Variants in IL1RAPL1 observed in about 807,000 individuals in gnomAD.
The protein encoded by IL1RAPL1 is interleukin-1 receptor accessory protein-like 1.
A neutral mutation model predicts 48.4 loss-of-function variants in IL1RAPL1; 3 were observed. That is an observed-to-expected ratio of 0.06 (90% CI 0.03 to 0.16). The LOEUF is 0.16. IL1RAPL1 is among the 10% of genes least tolerant of loss of function. IL1RAPL1 has a pLI of 1.00. For synonymous variants in IL1RAPL1, 185 were observed against 187.7 expected (o/e 0.99, Z 0.12); for missense variants, 349 against 530.6 (o/e 0.66, Z 3.36).
chrX:29,603,257 C>G (rs1261670188), intron 5 of IL1RAPL1, among the ~76,000 whole-genome samples: 1 of 83,690 alleles, frequency 1.2e-5, no homozygotes, highest in African/African-American at 4.8e-5. Flanking sequence ...CAAAGTGAGA[C>G]TCTATCTCAA....
intron 6 of IL1RAPL1, among the ~76,000 whole-genome samples, chrX:29,805,317 A>G (rs762030997): frequency 9.0e-6 from 1 of 111,116 alleles, no homozygotes; most frequent in South Asian, 3.8e-4. Context: ...ATTTTATCAG[A>G]TGGGGAATTC....
chrX:28,700,508 TCA>T (rs1372830675), intron 1 of IL1RAPL1, among the ~76,000 whole-genome samples: 2 of 109,910 alleles, frequency 1.8e-5, no homozygotes, highest in South Asian at 3.9e-4. Flanking sequence ...GGTTTTAACC[TCA>T]GTCTGTCTCT....
At chrX:29,645,361 A>G (rs1925288393) in intron 5 of IL1RAPL1, among the ~76,000 whole-genome samples, 1 of 111,740 alleles carries the variant, frequency 8.9e-6, no homozygotes, top group African/African-American at 3.3e-5. Flanking sequence ...AAGACGCATC[A>G]AAGAGGGCAA....
At chrX:29,522,564 C>T (rs1306577984) in intron 5 of IL1RAPL1, among the ~76,000 whole-genome samples, 2 of 111,867 alleles carry the variant, frequency 1.8e-5, no homozygotes, top group African/African-American at 6.5e-5. Flanking sequence ...CTCTCCGTAT[C>T]TGGAGACCCT....
At position 28,664,054 on chromosome X, in the gene IL1RAPL1, A is replaced by G. The variant is rs771857697; in HGVS notation, c.-25+76007A>G. 9.8e-5 allele frequency among the ~76,000 whole-genome samples: 11 copies of G among 112,195 alleles called. No individual in the cohort carries two copies. In the East Asian group the frequency reaches 3.1e-3, roughly 31 times the overall value. ...AGCCATAGACATACTTCCCTAGCAAATATCTTATTGCATATTAAATGCCTA... is the reference window on the plus strand; with the variant it reads ...AGCCATAGACATACTTCCCTAGCAAGTATCTTATTGCATATTAAATGCCTA... On this transcript the variant is annotated intron_variant, in intron 1 of 10. Transcript: ENST00000378993.
intron 2 of IL1RAPL1, among the ~76,000 whole-genome samples, chrX:29,121,135 T>G (rs1928775247): frequency 8.9e-6 from 1 of 111,956 alleles, no homozygotes; most frequent in South Asian, 3.7e-4. Flanking sequence ...AAGGTCATAG[T>G]TAATGGTGAG....
chrX:29,281,466 T>C (rs944176849), intron 2 of IL1RAPL1, among the ~76,000 whole-genome samples: 3 of 110,900 alleles, frequency 2.7e-5, no homozygotes, highest in African/African-American at 9.8e-5. Flanking sequence ...AGATGGTACC[T>C]GCAGAAAACA....
intron 1 of IL1RAPL1, among the ~76,000 whole-genome samples, chrX:28,676,218 A>G (rs1434626446): frequency 9.0e-6 from 1 of 111,380 alleles, no homozygotes; most frequent in Non-Finnish European, 1.9e-5. Context: ...AGCCACTGAG[A>G]TGATTTTAAA....
intron 2 of IL1RAPL1, among the ~76,000 whole-genome samples, chrX:29,083,871 G>A (rs73210033): frequency 0.065 from 7,239 of 111,178 alleles, 300 homozygotes; most frequent in African/African-American, 0.14. Flanking sequence ...ATTGTGTGAA[G>A]GCAAAGAGAG....
At chrX:28,831,141 C>T in intron 2 of IL1RAPL1, among the ~76,000 whole-genome samples, 1 of 93,287 alleles carries the variant, frequency 1.1e-5, no homozygotes, top group African/African-American at 4.0e-5. Flanking sequence ...CCTTTTCTTC[C>T]AACTTGTGTA....
chrX:29,789,780 CTT>C (rs143889631), intron 6 of IL1RAPL1, among the ~76,000 whole-genome samples: 2,672 of 81,804 alleles, frequency 0.033, 104 homozygotes, highest in African/African-American at 0.11. Flanking sequence ...TCATGAGTTT[CTT>C]TTTTTTTTTT....
At chrX:29,080,936 C>CTTTCTTTCTTTCTTTCT (rs1927793594) in intron 2 of IL1RAPL1, among the ~76,000 whole-genome samples, 2 of 29,882 alleles carry the variant, frequency 6.7e-5, no homozygotes, top group African/African-American at 3.6e-4. Context: ...TTCTTTCTTT[C>CTTTCTTTCTTTCTTTCT]TTTCTTTCTT....
At chrX:29,650,733 G>A (rs972649001) in intron 5 of IL1RAPL1, among the ~76,000 whole-genome samples, 2 of 110,411 alleles carry the variant, frequency 1.8e-5, no homozygotes, top group African/African-American at 6.6e-5. Context: ...TTTTGGATGT[G>A]ACTTCAAAAA....
intron 6 of IL1RAPL1, among the ~76,000 whole-genome samples, chrX:29,790,226 A>G (rs919923878): frequency 2.4e-4 from 27 of 112,232 alleles, no homozygotes; most frequent in African/African-American, 8.4e-4. Flanking sequence ...CATGAATTAC[A>G]GCAATATACT....
At chrX:29,126,516 A>C (rs921593650) in intron 2 of IL1RAPL1, among the ~76,000 whole-genome samples, 4 of 112,596 alleles carry the variant, frequency 3.6e-5, no homozygotes, top group East Asian at 5.6e-4. Context: ...AATGTGGTTC[A>C]TGGTCCTTAA....
At chrX:28,829,769 G>T (rs1285713503) in intron 2 of IL1RAPL1, among the ~76,000 whole-genome samples, 1 of 109,529 alleles carries the variant, frequency 9.1e-6, no homozygotes, top group Non-Finnish European at 1.9e-5. Flanking sequence ...CATGTTGGCC[G>T]GGCTGGTCTC....
At chrX:28,839,518 A>G (rs1466296685) in intron 2 of IL1RAPL1, among the ~76,000 whole-genome samples, 1 of 110,587 alleles carries the variant, frequency 9.0e-6, no homozygotes, top group African/African-American at 3.3e-5. Context: ...ATTTTAAAAT[A>G]ATAATTACTT....
intron 3 of IL1RAPL1, among the ~76,000 whole-genome samples, chrX:29,353,864 G>T (rs1489396423): frequency 4.0e-5 from 4 of 100,803 alleles, no homozygotes; most frequent in Non-Finnish European, 7.9e-5. Flanking sequence ...GCTTAGCCAC[G>T]ATTCATTACT....
At chrX:28,696,195 C>T (rs1454189) in intron 1 of IL1RAPL1, among the ~76,000 whole-genome samples, 1,452 of 110,898 alleles carry the variant, frequency 0.013, 29 homozygotes, top group African/African-American at 0.045. Flanking sequence ...ATCCCTTTCC[C>T]TCTTGATGCA....
Sources: gnomAD v4.1 joint callset for allele counts (sites outside exome capture counted in the v4.1 genomes callset) on GRCh38, gnomAD v4.1.1 for gene constraint, MANE v1.5 for transcripts, NCBI Gene and HGNC (gene_info 2026-07-23, HGNC 2026-07-21) for gene names.